Variants in ZNF585B observed in about 807,000 individuals in gnomAD.
The protein encoded by ZNF585B is zinc finger protein 41-like protein.
In ZNF585B, 7 loss-of-function variants were observed where a neutral mutation model predicts 14.0. The ratio of observed to expected loss-of-function variants is 0.50; its 90% confidence interval spans 0.28 to 0.94. ZNF585B has a LOEUF of 0.94. ZNF585B is among the 40% of genes least tolerant of loss of function. The pLI, the probability that ZNF585B is intolerant of heterozygous loss-of-function variation, is 0.09. For missense variants in ZNF585B, 750 were observed against 924.4 expected (o/e 0.81, Z 2.45); for synonymous variants, 290 against 317.3 (o/e 0.91, Z 0.91).
In ZNF585B at chr19:37,186,451, G is replaced by C; in HGVS notation, c.1086C>G (p.Ala362=). 6.2e-7 allele frequency: 1 copy of C among 1,613,978 alleles called. No homozygotes were observed. The highest frequency in any genetic ancestry group is 8.5e-7 in the Non-Finnish European group (1 of 1,179,966). Residue 362 remains alanine (A), a synonymous_variant, in exon 5 of 5, where the codon GCC becomes GCG. Transcript: ENST00000532828. Reference sequence around the variant, plus strand: ...TAATCAACTCTGACCTGTAGGTAAAGGCCTTCCCACACTCAGTACATATGG... The same window carrying C: ...TAATCAACTCTGACCTGTAGGTAAACGCCTTCCCACACTCAGTACATATGG... ...KSSICTECGK[A]FTYRSELIIH...
At chr19:37,196,551 G>A (rs183959095) in intron 2 of ZNF585B, among the ~76,000 whole-genome samples, 4 of 152,002 alleles carry the variant, frequency 2.6e-5, no homozygotes, top group African/African-American at 4.8e-5. Flanking sequence ...AAATTACACC[G>A]AGTGTGCCTC....
intron 2 of ZNF585B, chr19:37,198,950 C>T: frequency 6.7e-7 from 1 of 1,494,796 alleles, no homozygotes; most frequent in South Asian, 1.3e-5. Context: ...TTGTTGATTT[C>T]TTCATTTAAC....
chr19:37,201,178 G>A (rs976430417), intron 2 of ZNF585B, among the ~76,000 whole-genome samples: 1 of 151,726 alleles, frequency 6.6e-6, no homozygotes, highest in Non-Finnish European at 1.5e-5. Flanking sequence ...GAGGAGCAAA[G>A]GCCTATCTGG....
chr19:37,189,884 G>A, intron 3 of ZNF585B, 131 bp from the exon 4 acceptor site: 3 of 1,556,402 alleles, frequency 1.9e-6, no homozygotes, highest in Non-Finnish European at 2.6e-6. Flanking sequence ...AATATTCTGA[G>A]TACCCTAAAC....
Position 37,186,647 on chromosome 19 carries a change from G to A in ZNF585B, c.890C>T (p.Pro297Leu). ...AHRRIHSGEK[P>L]YECNNCGKSF... ...TTTGCCACAGTTATTGCATTCATAT[G>A]GTTTTTCTCCACTATGAATTCTTCG... The change falls in exon 5 of 5, where the codon CCA becomes CTA. Residue 297 changes from proline (P) to leucine (L), a missense_variant. Pro to Leu is a moderately conservative substitution (Grantham distance 98, BLOSUM62 -3). Transcript: ENST00000532828. The A allele has an allele frequency of 6.2e-7, 1 of 1,614,184 alleles. No individual in the cohort carries two copies. Among genetic ancestry groups the A allele is most frequent in the Admixed American group, 1.7e-5 (1 of 60,024 alleles).
At position 37,186,723 on chromosome 19, in the gene ZNF585B, A is replaced by G. The variant is rs1394755522; in HGVS notation, c.814T>C (p.Cys272Arg). 25 of 1,614,204 alleles carry G rather than the reference A, an allele frequency of 1.5e-5. No individual in the cohort carries two copies. Among genetic ancestry groups the G allele is most frequent in the Non-Finnish European group, 2.0e-5 (24 of 1,180,030 alleles). The change falls in exon 5 of 5, where the codon TGT (cysteine) becomes CGT (arginine). Residue 272 changes from cysteine (C) to arginine (R), a missense_variant. Physicochemically the swap from Cys to Arg is radical, Grantham distance 180. This residue lies in a region of ZNF585B where 517 missense variants were observed against 570.3 expected (regional missense o/e 0.91). Transcript: ENST00000532828. Reference sequence around the variant, plus strand: ...ATGAAGGCCTGCCCGCATTCAATACAGATGTAGGATCTCTCGCCTGTATGG... The same window carrying G: ...ATGAAGGCCTGCCCGCATTCAATACGGATGTAGGATCTCTCGCCTGTATGG... The part of the protein sequence containing the change: ...KIHTGERSYI[C>R]IECGQAFIQK...
intron 2 of ZNF585B, among the ~76,000 whole-genome samples, chr19:37,192,367 TAAG>T (rs777415570): frequency 2.6e-5 from 4 of 151,918 alleles, no homozygotes; most frequent in Non-Finnish European, 5.9e-5. Flanking sequence ...ACTTGGAAGA[TAAG>T]AAGAGTAATA....
intron 2 of ZNF585B, among the ~76,000 whole-genome samples, chr19:37,201,399 C>T (rs759310148): frequency 2.6e-5 from 4 of 152,084 alleles, no homozygotes; most frequent in Non-Finnish European, 5.9e-5. Context: ...GGAAACTTTA[C>T]ATAATATCTC....
Position 37,185,274 on chromosome 19 carries a change from A to G in ZNF585B, c.2263T>C (p.Phe755Leu). Reference protein sequence around the residue: ...PYKCGICGKGFVQKSVFSVHQ... With the variant: ...PYKCGICGKGLVQKSVFSVHQ... Reference sequence around the variant, plus strand: ...ACACTGAACACTGATTTCTGAACGAAGCCTTTCCCACAGATGCCACACTTG... The same window carrying G: ...ACACTGAACACTGATTTCTGAACGAGGCCTTTCCCACAGATGCCACACTTG... The change falls in exon 5 of 5, where the codon TTC becomes CTC. Residue 755 changes from phenylalanine (F) to leucine (L), a missense_variant. By Grantham distance (22) the Phe-to-Leu change is conservative. This residue lies in a region of ZNF585B where 233 missense variants were observed against 354.1 expected (regional missense o/e 0.66). Transcript: ENST00000532828. 6.2e-7 allele frequency: 1 copy of G among 1,614,018 alleles called. No individual in the cohort carries two copies. The highest frequency in any genetic ancestry group is 8.5e-7 in the Non-Finnish European group (1 of 1,179,952).
intron 2 of ZNF585B, among the ~76,000 whole-genome samples, chr19:37,204,806 G>A (rs7248645): frequency 0.014 from 2,061 of 151,896 alleles, 60 homozygotes; most frequent in African/African-American, 0.047. Context: ...GAGTGCAGTG[G>A]TGCAATCTCA....
At chr19:37,208,634 C>T (rs1599770350) in intron 1 of ZNF585B, among the ~76,000 whole-genome samples, 1 of 150,938 alleles carries the variant, frequency 6.6e-6, no homozygotes, top group Non-Finnish European at 1.5e-5. Flanking sequence ...TATGAAAATT[C>T]AGAGAAAAGG....
At position 37,187,203 on chromosome 19, in the gene ZNF585B, C is replaced by G. The variant is rs139048320; in HGVS notation, c.334G>C (p.Gly112Arg). 2.3e-4 allele frequency: 370 copies of G among 1,611,160 alleles called. 3 individuals carry two copies. In the African/African-American group the frequency reaches 4.5e-3, roughly 20 times the overall value. Residue 112 changes from glycine (G) to arginine (R), a missense_variant, in exon 5 of 5, where the codon GGT becomes CGT. This residue lies in a region of ZNF585B where 517 missense variants were observed against 570.3 expected (regional missense o/e 0.91). Transcript: ENST00000532828. ...TCTTGAGAGGAAGCTGGTTTATAAC[C>G]GATGATTTTTCTATGTTGATTATGG... ...WDHNQHRKII[G>R]YKPASSQDQK...
At chr19:37,209,819 C>T (rs1180085697) in intron 1 of ZNF585B, among the ~76,000 whole-genome samples, 3 of 150,956 alleles carry the variant, frequency 2.0e-5, no homozygotes, top group African/African-American at 7.3e-5. Flanking sequence ...GGGTTCACGC[C>T]ATTCTCCTGC....
intron 3 of ZNF585B, 31 bp downstream of exon 3, chr19:37,189,993 T>C: frequency 6.2e-7 from 1 of 1,610,922 alleles, no homozygotes; most frequent in South Asian, 1.1e-5. Flanking sequence ...CAGTGAGGCC[T>C]CCTTTCAGAT....
intron 1 of ZNF585B, among the ~76,000 whole-genome samples, chr19:37,208,532 C>A (rs916789567): frequency 3.3e-5 from 5 of 149,370 alleles, no homozygotes; most frequent in African/African-American, 9.9e-5. Context: ...GAAATTTTTT[C>A]AATATGTGAT....
At chr19:37,194,709 T>C (rs1364339452) in intron 2 of ZNF585B, among the ~76,000 whole-genome samples, 1 of 152,096 alleles carries the variant, frequency 6.6e-6, no homozygotes, top group Non-Finnish European at 1.5e-5. Flanking sequence ...TCATCAAATA[T>C]ACAGAAAAAG....
Position 37,186,423 on chromosome 19 carries a change from G to T in ZNF585B, c.1114C>A (p.His372Asn). 1 of 1,614,128 alleles carries T rather than the reference G, an allele frequency of 6.2e-7. No individual in the cohort carries two copies. The part of the protein sequence containing the change: ...AFTYRSELII[H>N]QRIHTGEKPY... ...TTCTCTCCAGTGTGAATTCTCTGAT[G>T]AATAATCAACTCTGACCTGTAGGTA... is the stretch of plus-strand genomic sequence containing the variant. Residue 372 changes from histidine to asparagine, a missense_variant, in exon 5 of 5, where the codon CAT becomes AAT. Coordinates refer to ENST00000532828, the MANE Select transcript of ZNF585B (RefSeq NM_152279.4).
intron 2 of ZNF585B, among the ~76,000 whole-genome samples, chr19:37,200,667 A>T (rs1972522202): frequency 2.0e-5 from 3 of 152,110 alleles, no homozygotes; most frequent in Admixed American, 2.0e-4. Context: ...ACATCTAATT[A>T]AAAAATCCTT....
In ZNF585B at chr19:37,185,399, G is replaced by A. The variant is rs1972321344; in HGVS notation, c.2138C>T (p.Thr713Ile). ...SQLQVHQRIH[T>I]GEKPYVCAEC... is the part of the protein sequence containing the mutation. ...AGCACACACGTAAGGCTTCTCTCCA[G>A]TGTGAATTCGCTGATGCACTTGGAG... Residue 713 changes from threonine (T) to isoleucine (I), a missense_variant, in exon 5 of 5, where the codon ACT becomes ATT. Thr to Ile is a moderately conservative substitution (Grantham distance 89, BLOSUM62 -1). Around this residue, in one of 2 missense-constraint regions of ZNF585B, gnomAD observed 233 missense variants for 354.1 expected, o/e 0.66. Transcript: ENST00000532828. 1 of 1,613,884 alleles carries A rather than the reference G, an allele frequency of 6.2e-7. No individual in the cohort carries two copies. The highest frequency in any genetic ancestry group is 1.3e-5 in the African/African-American group (1 of 74,852).
Sources: allele counts gnomAD v4.1 joint callset (sites outside exome capture counted in the v4.1 genomes callset), GRCh38; gene constraint gnomAD v4.1.1; regional missense constraint gnomAD v4.1.1; transcripts MANE v1.5; gene names NCBI Gene and HGNC (gene_info 2026-07-23, HGNC 2026-07-21).